Variants in EDIL3 observed in about 807,000 individuals in gnomAD.
EDIL3 encodes EGF-like repeat and discoidin I-like domain-containing protein 3.
EDIL3 carries 37 observed loss-of-function variants against 67.4 expected under a neutral mutation model. That is an observed-to-expected ratio of 0.55 (90% confidence interval 0.42 to 0.72). The LOEUF (loss-of-function observed/expected upper bound fraction) is 0.72, where lower values mean the gene tolerates loss of function less well. Ranked by LOEUF, EDIL3 falls within the 30% of genes least tolerant of loss-of-function variation. The pLI is 0.00. For missense variants in EDIL3, 527 were observed against 586.3 expected (o/e 0.90, Z 1.04); for synonymous variants, 195 against 196.3 (o/e 0.99, Z 0.05).
At chr5:84,139,260 T>G (rs1487359190) in intron 4 of EDIL3, among the ~76,000 whole-genome samples, 1 of 128,328 alleles carries the variant, frequency 7.8e-6, no homozygotes, top group Non-Finnish European at 1.6e-5. Flanking sequence ...TATGATAGAC[T>G]CCTAAATATT....
intron 1 of EDIL3, among the ~76,000 whole-genome samples, chr5:84,266,227 T>C (rs918986226): frequency 6.6e-5 from 10 of 152,258 alleles, no homozygotes; most frequent in African/African-American, 1.7e-4. Context: ...CCTCACTGCA[T>C]TGGGTCACAC....
At chr5:83,950,677 G>A (rs1330618420) in intron 10 of EDIL3, among the ~76,000 whole-genome samples, 1 of 151,716 alleles carries the variant, frequency 6.6e-6, no homozygotes, top group Admixed American at 6.6e-5. Flanking sequence ...ATTTCTGGAT[G>A]ATATTTATTC....
At chr5:83,969,761 T>G (rs1400564593) in intron 9 of EDIL3, among the ~76,000 whole-genome samples, 1 of 151,902 alleles carries the variant, frequency 6.6e-6, no homozygotes, top group East Asian at 1.9e-4. Flanking sequence ...AAATACATTT[T>G]ATTTTTTAAA....
chr5:84,212,111 T>A (rs531130817), intron 3 of EDIL3, among the ~76,000 whole-genome samples: 3 of 152,296 alleles, frequency 2.0e-5, no homozygotes, highest in African/African-American at 7.2e-5. Flanking sequence ...GTTATTTTTA[T>A]GGGTATTTAT....
At chr5:84,138,145 T>A (rs551604895) in intron 4 of EDIL3, among the ~76,000 whole-genome samples, 1 of 152,320 alleles carries the variant, frequency 6.6e-6, no homozygotes, top group East Asian at 1.9e-4. Flanking sequence ...CAAAGCACCA[T>A]GCTGGATTCT....
chr5:84,257,057 TA>T (rs1248209363), intron 1 of EDIL3, among the ~76,000 whole-genome samples: 2 of 152,222 alleles, frequency 1.3e-5, no homozygotes, highest in African/African-American at 4.8e-5. Context: ...CACTCTGTCC[TA>T]TAACCAAGTT....
chr5:84,087,885 GAATA>G (rs1387255762), intron 6 of EDIL3, among the ~76,000 whole-genome samples: 2 of 151,952 alleles, frequency 1.3e-5, no homozygotes, highest in Non-Finnish European at 2.9e-5. Flanking sequence ...TTGAATGAAT[GAATA>G]AATTCATTAA....
intron 1 of EDIL3, among the ~76,000 whole-genome samples, chr5:84,283,763 C>T (rs933065808): frequency 2.6e-5 from 4 of 152,114 alleles, no homozygotes; most frequent in Non-Finnish European, 5.9e-5. Context: ...CTTTCTACTC[C>T]TCTGTAAGCT....
intron 1 of EDIL3, among the ~76,000 whole-genome samples, chr5:84,262,899 G>A (rs746646029): frequency 2.4e-4 from 37 of 151,604 alleles, no homozygotes; most frequent in Admixed American, 7.2e-4. Flanking sequence ...TTGAATTCCT[G>A]AGCTCAGACA....
intron 3 of EDIL3, among the ~76,000 whole-genome samples, chr5:84,191,900 T>C (rs930654191): frequency 2.6e-5 from 4 of 152,010 alleles, no homozygotes; most frequent in African/African-American, 4.8e-5. Flanking sequence ...TCAATTTACA[T>C]AGACAAACTA....
intron 1 of EDIL3, among the ~76,000 whole-genome samples, chr5:84,313,571 A>T (rs1746448245): frequency 6.6e-6 from 1 of 152,156 alleles, no homozygotes; most frequent in Admixed American, 6.5e-5. Flanking sequence ...TCTACAAAGG[A>T]TTATAATATC....
intron 1 of EDIL3, among the ~76,000 whole-genome samples, chr5:84,347,413 T>A (rs1395493559): frequency 6.6e-6 from 1 of 152,188 alleles, no homozygotes; most frequent in African/African-American, 2.4e-5. Flanking sequence ...TTCCAGCAAA[T>A]TTTGCTTTTA....
At chr5:84,149,264 G>T (rs1421253974) in intron 4 of EDIL3, among the ~76,000 whole-genome samples, 1 of 152,170 alleles carries the variant, frequency 6.6e-6, no homozygotes, top group East Asian at 1.9e-4. Context: ...ACTCAGCAGA[G>T]GGTAGATTAG....
At chr5:84,091,520 T>C (rs891541787) in intron 6 of EDIL3, among the ~76,000 whole-genome samples, 4 of 152,172 alleles carry the variant, frequency 2.6e-5, no homozygotes, top group Non-Finnish European at 5.9e-5. Flanking sequence ...TTCAAAAAAG[T>C]AAACCTTTCA....
chr5:84,334,676 CAA>C (rs1022948615), intron 1 of EDIL3, among the ~76,000 whole-genome samples: 2 of 152,142 alleles, frequency 1.3e-5, no homozygotes, highest in African/African-American at 4.8e-5. Context: ...GTATCATCAT[CAA>C]AAGATACCAT....
intron 10 of EDIL3, among the ~76,000 whole-genome samples, chr5:83,946,987 G>A (rs181579852): frequency 6.6e-6 from 1 of 151,916 alleles, no homozygotes; most frequent in East Asian, 2.0e-4. Context: ...GTGGTTCTAA[G>A]CATTTTTAGA....
chr5:84,196,811 A>G (rs1168079465), intron 3 of EDIL3: 1 of 152,000 alleles, frequency 6.6e-6, no homozygotes, highest in African/African-American at 2.4e-5. Context: ...ATACCACTGT[A>G]TTTTGTCTTA....
intron 10 of EDIL3, among the ~76,000 whole-genome samples, chr5:83,952,953 C>A (rs983263509): frequency 2.0e-5 from 3 of 151,770 alleles, no homozygotes; most frequent in Non-Finnish European, 4.4e-5. Flanking sequence ...AAGCCAGACT[C>A]ATGATGAGGG....
intron 3 of EDIL3, among the ~76,000 whole-genome samples, chr5:84,222,993 A>G (rs1346064547): frequency 6.6e-6 from 1 of 151,652 alleles, no homozygotes; most frequent in East Asian, 1.9e-4. Flanking sequence ...ATGTGGCCCC[A>G]CTTGTTTATT....
Sources: gnomAD v4.1 joint callset for allele counts (sites outside exome capture counted in the v4.1 genomes callset) on GRCh38, gnomAD v4.1.1 for gene constraint, MANE v1.5 for transcripts, NCBI Gene and HGNC (gene_info 2026-07-23, HGNC 2026-07-21) for gene names.